SHISAL1: variants seen among roughly 807,000 people sequenced by gnomAD.
SHISAL1 encodes the protein protein shisa-like-1.
A neutral mutation model predicts 22.6 loss-of-function variants in SHISAL1; 9 were observed. The ratio of observed to expected loss-of-function variants is 0.40; its 90% CI spans 0.24 to 0.70. The LOEUF (loss-of-function observed/expected upper bound fraction) is 0.70, where lower values mean the gene tolerates loss of function less well. Among genes scored for constraint, SHISAL1 ranks in the 30% least tolerant of loss-of-function variants. SHISAL1 has a pLI of 0.39. For missense variants in SHISAL1, 246 were observed against 270.6 expected, an observed-to-expected ratio of 0.91 and a Z score of 0.64; for synonymous variants, 119 against 115.4, an observed-to-expected ratio of 1.03 and a Z score of -0.20.
intron 4 of SHISAL1, among the ~76,000 whole-genome samples, chr22:44,270,624 C>A (rs2055199365): frequency 6.6e-6 from 1 of 152,174 alleles, no homozygotes; most frequent in South Asian, 2.1e-4. Context: ...CCAGGCCCAT[C>A]CTGCCTCTGT....
intron 4 of SHISAL1, among the ~76,000 whole-genome samples, chr22:44,256,995 G>A (rs936770365): frequency 6.6e-6 from 1 of 152,182 alleles, no homozygotes; most frequent in Non-Finnish European, 1.5e-5. Flanking sequence ...CAATGAGAGA[G>A]GATTTCAGAG....
At position 44,300,891 on chromosome 22, in the gene SHISAL1, G is replaced by A. The variant is rs2147302580; in HGVS notation, c.55C>T (p.Leu19=). 1 of 1,614,106 alleles carries A rather than the reference G, an allele frequency of 6.2e-7. No homozygotes were observed. Among genetic ancestry groups the A allele is most frequent in the Non-Finnish European group, 8.5e-7 (1 of 1,179,978 alleles). The part of the protein sequence containing the change: ...LNVLAVLFSL[L]FSAVLSAHFR... The stretch of plus-strand genomic sequence containing the variant: ...ACGGAGGTTTTACCTGCAGAAAACA[G>A]CAATGAGAAGAGGACGGCGAGCACG... The change falls in exon 2 of 5, where the codon CTG becomes TTG. Residue 19 remains leucine (L), a synonymous_variant. Coordinates refer to ENST00000381176, the MANE Select transcript of SHISAL1 (RefSeq NM_001099294.2).
intron 4 of SHISAL1, among the ~76,000 whole-genome samples, chr22:44,284,271 T>C (rs1219169114): frequency 1.3e-5 from 2 of 152,090 alleles, no homozygotes; most frequent in East Asian, 3.9e-4. Context: ...GAGGACCTAC[T>C]ATGTGCCAGG....
intron 4 of SHISAL1, among the ~76,000 whole-genome samples, chr22:44,253,426 TG>T (rs200021310): frequency 0.62 from 55,642 of 89,980 alleles, 15,232 homozygotes; most frequent in Middle Eastern, 0.72. Context: ...TATTAGTGCA[TG>T]TTTTTTTTTT....
At chr22:44,272,906 G>A (rs1165858543) in intron 4 of SHISAL1, among the ~76,000 whole-genome samples, 2 of 152,164 alleles carry the variant, frequency 1.3e-5, no homozygotes, top group Non-Finnish European at 2.9e-5. Context: ...GTCCAGCCTG[G>A]GCAACGTGGC....
chr22:44,326,544 C>T, the SHISAL1 span, among the ~76,000 whole-genome samples: 1 of 152,106 alleles, frequency 6.6e-6, no homozygotes, highest in Non-Finnish European at 1.5e-5. Context: ...TCCCAGGGCT[C>T]TGTTAAGAGC....
intron 4 of SHISAL1, among the ~76,000 whole-genome samples, chr22:44,257,089 GT>G (rs1374329277): frequency 1.3e-5 from 2 of 152,250 alleles, no homozygotes; most frequent in Admixed American, 1.3e-4. Context: ...GCGTGTGCTG[GT>G]TTGGGTTTCT....
At chr22:44,291,188 C>A (rs1254562855) in intron 3 of SHISAL1, among the ~76,000 whole-genome samples, 1 of 152,166 alleles carries the variant, frequency 6.6e-6, no homozygotes, top group East Asian at 1.9e-4. Flanking sequence ...GGCCATCCTA[C>A]CCGGGATAGG....
chr22:44,309,928 C>A (rs2055506315), intron 1 of SHISAL1, among the ~76,000 whole-genome samples: 1 of 152,218 alleles, frequency 6.6e-6, no homozygotes, highest in Admixed American at 6.5e-5. Flanking sequence ...CTTTGTGACC[C>A]CTTCATGCTT....
intron 1 of SHISAL1, among the ~76,000 whole-genome samples, chr22:44,309,357 C>G (rs543873047): frequency 6.6e-6 from 1 of 152,310 alleles, no homozygotes; most frequent in South Asian, 2.1e-4. Flanking sequence ...TTCAACAGGG[C>G]AGGGCTCTCT....
rs1365621925 is a variant in SHISAL1 at position 44,247,500 on chromosome 22, C to CCAAGCAGAGGT, written c.*2174_*2184dup. On this transcript the variant is annotated 3_prime_UTR_variant, in exon 5 of 5. Coordinates refer to ENST00000381176, the MANE Select transcript of SHISAL1 (RefSeq NM_001099294.2). ...GCCATTCCTTTCTCCAATCGAGACC[C>CCAAGCAGAGGT]CAAGCAGAGGTTCTCCCACTTTGCC... The CCAAGCAGAGGT allele has an allele frequency of 1.3e-5, 2 of 152,422 alleles. No individual in the cohort carries two copies. The highest frequency in any genetic ancestry group is 2.9e-5 in the Non-Finnish European group (2 of 68,208). 9.4% of individuals were successfully genotyped at this position (152,422 alleles called of 1,614,324 possible).
At chr22:44,259,902 G>A (rs754485038) in intron 4 of SHISAL1, among the ~76,000 whole-genome samples, 3 of 151,986 alleles carry the variant, frequency 2.0e-5, no homozygotes, top group Non-Finnish European at 2.9e-5. Context: ...TCCACCAGGC[G>A]CTCCCTGCAC....
At chr22:44,312,065 C>T (rs2055522779) in intron 1 of SHISAL1, among the ~76,000 whole-genome samples, 1 of 152,192 alleles carries the variant, frequency 6.6e-6, no homozygotes, top group Non-Finnish European at 1.5e-5. Context: ...CTCCCTCAGC[C>T]TCCCTGGTCC....
intron 4 of SHISAL1, among the ~76,000 whole-genome samples, chr22:44,275,672 C>T (rs1042069055): frequency 1.4e-4 from 22 of 152,216 alleles, no homozygotes; most frequent in African/African-American, 5.3e-4. Context: ...TTGGAGTCCA[C>T]CAGACCTGGG....
chr22:44,243,903 T>TC lies in SHISAL1; in HGVS notation c.*5781dup, dbSNP rs1489018010. The stretch of plus-strand genomic sequence containing the variant: ...GTTTACGGGAGAGAAAATATTTCCA[T>TC]CCCCCTACCCCTGCGCTGCATGCCC... On this transcript the variant is annotated 3_prime_UTR_variant, in exon 5 of 5. Coordinates refer to ENST00000381176, the MANE Select transcript of SHISAL1 (RefSeq NM_001099294.2). 2.0e-5 allele frequency: 3 copies of TC among 152,036 alleles called. No individual in the cohort carries two copies. Among genetic ancestry groups the TC allele is most frequent in the Non-Finnish European group, 4.4e-5 (3 of 68,014 alleles). The allele number at this position is 152,036 out of a possible 1,614,324, so 9.4% of individuals were successfully genotyped here.
chr22:44,260,007 G>A (rs542254049), intron 4 of SHISAL1, among the ~76,000 whole-genome samples: 1 of 152,222 alleles, frequency 6.6e-6, no homozygotes, highest in African/African-American at 2.4e-5. Context: ...TCCCCCACCA[G>A]GAGATTACTT....
At chr22:44,270,137 C>T (rs1346973240) in intron 4 of SHISAL1, among the ~76,000 whole-genome samples, 4 of 152,240 alleles carry the variant, frequency 2.6e-5, no homozygotes, top group Admixed American at 6.5e-5. Context: ...CTCGCCAAAA[C>T]CCCACCTGAC....
Position 44,245,504 on chromosome 22 carries a change from A to AAATT in SHISAL1, c.*4177_*4180dup, listed in dbSNP as rs2054991898. ...TGGGGACCAGTTCAGCCAAGTTGAA[A>AAATT]AATTAAAAAATTTTACAAGTCTGCA... On this transcript the variant is annotated 3_prime_UTR_variant, in exon 5 of 5. Coordinates refer to ENST00000381176, the MANE Select transcript of SHISAL1 (RefSeq NM_001099294.2). 6.6e-6 allele frequency: 1 copy of AAATT among 152,248 alleles called. No homozygotes were observed. The highest frequency in any genetic ancestry group is 1.5e-5 in the Non-Finnish European group (1 of 68,050). 9.4% of individuals were successfully genotyped at this position (152,248 alleles called of 1,614,324 possible).
At chr22:44,294,353 C>G (rs569732351) in intron 3 of SHISAL1, among the ~76,000 whole-genome samples, 36 of 152,322 alleles carry the variant, frequency 2.4e-4, no homozygotes, top group South Asian at 6.2e-4. Context: ...CGGCTTCCCC[C>G]TGAGTGAATG....
Sources: gnomAD v4.1 joint callset for allele counts (sites outside exome capture counted in the v4.1 genomes callset) on GRCh38, gnomAD v4.1.1 for gene constraint, MANE v1.5 for transcripts, NCBI Gene and HGNC (gene_info 2026-07-23, HGNC 2026-07-21) for gene names.